The following PITPNM2 variants were observed in gnomAD, a reference collection of about 807,000 sequenced individuals.
PITPNM2 encodes phosphatidylinositol transfer protein membrane associated 2, also known as membrane-associated phosphatidylinositol transfer protein 2.
In PITPNM2, 35 loss-of-function variants were observed where a neutral mutation model predicts 132.2. The observed-to-expected ratio is 0.26, with a 90% CI of 0.20 to 0.35. The LOEUF (loss-of-function observed/expected upper bound fraction) is 0.35. PITPNM2 is among the 10% of genes least tolerant of loss of function. The pLI is 1.00. For synonymous variants in PITPNM2, 738 were observed against 799.2 expected, an observed-to-expected ratio of 0.92 and a Z score of 1.29; for missense variants, 1,332 against 1,912.0, an observed-to-expected ratio of 0.70 and a Z score of 5.66.
At chr12:123,103,120 G>A (rs2042606149) in intron 2 of PITPNM2, among the ~76,000 whole-genome samples, 1 of 152,160 alleles carries the variant, frequency 6.6e-6, no homozygotes, top group Admixed American at 6.5e-5. Context: ...AAACCACCTT[G>A]GTAGACACAA....
At position 122,994,862 on chromosome 12, in the gene PITPNM2, G is replaced by A. The variant is rs1234459257; in HGVS notation, c.2172C>T (p.Leu724=). The change falls in exon 15 of 26, where the codon CTC becomes CTT. Residue 724 remains leucine (L), a synonymous_variant. Transcript: ENST00000320201. This position sits in a 1 kb window ranked among gnomAD's most constrained non-coding sequence, Gnocchi z 5.4. ...GGACCAGCCCCAGCGGGCACCCGAA[G>A]AGGAAGAGGTCGGTGATCTCAAAGT... ...RFDFEITDLF[L]FGCPLGLVLA... 1.2e-6 allele frequency: 2 copies of A among 1,612,328 alleles called. No individual in the cohort carries two copies. The highest frequency in any genetic ancestry group is 1.7e-6 in the Non-Finnish European group (2 of 1,179,974).
intron 1 of PITPNM2, among the ~76,000 whole-genome samples, chr12:123,119,416 G>A (rs2042991583): frequency 6.7e-6 from 1 of 148,224 alleles, no homozygotes; most frequent in African/African-American, 2.5e-5. Flanking sequence ...GGAGTGCAGT[G>A]GAACCATCTT....
intron 3 of PITPNM2, among the ~76,000 whole-genome samples, chr12:123,032,933 G>C (rs1312702236): frequency 6.6e-6 from 1 of 152,194 alleles, no homozygotes; most frequent in East Asian, 1.9e-4. Flanking sequence ...TCCCACATAG[G>C]GGAGCCTGGA....
rs549417336 is a variant in PITPNM2, at chr12:123,084,969, C to T, written c.-96+25416G>A. Among the ~76,000 whole-genome samples the T allele has an allele frequency of 4.6e-5, 7 of 152,322 alleles. No individual in the cohort carries two copies. The South Asian group carries it at 1.2e-3, about 27-fold the overall frequency. ...CCATCAAGGGTCAGCTCTGAGCTGA[C>T]TCTGGGAAGCCAGCTTAATCGGGCC... On this transcript the variant is annotated intron_variant, in intron 2 of 25. Coordinates refer to ENST00000320201, the MANE Select transcript of PITPNM2 (RefSeq NM_020845.3).
At position 122,987,845 on chromosome 12, in the gene PITPNM2, C is replaced by T. The variant is rs751829355; in HGVS notation, c.3054G>A (p.Gln1018=). The T allele has an allele frequency of 2.2e-5, 35 of 1,613,836 alleles. No individual in the cohort carries two copies. The highest frequency in any genetic ancestry group is 2.9e-5 in the Non-Finnish European group (34 of 1,179,972). The part of the protein sequence containing the change: ...NDALANEDGP[Q]VLTGRFMYGP... ...CATACATGAACCTGCCCGTCAGAAC[C>T]TGGGGGCCGTCCTCATTGGCAAGGG... Residue 1018 remains glutamine, a synonymous_variant, in exon 21 of 26, where the codon CAG becomes CAA. Coordinates refer to ENST00000320201, the MANE Select transcript of PITPNM2 (RefSeq NM_020845.3).
At chr12:123,034,436 A>T in intron 3 of PITPNM2, 77 bp downstream of exon 3, 1 of 1,385,202 alleles carries the variant, frequency 7.2e-7, no homozygotes, top group Non-Finnish European at 1.0e-6. Flanking sequence ...CCACAACTCC[A>T]CCTAACCCAC....
chr12:122,990,960 A>G (rs888856109), intron 16 of PITPNM2, among the ~76,000 whole-genome samples: 1 of 152,144 alleles, frequency 6.6e-6, no homozygotes, highest in African/African-American at 2.4e-5. Flanking sequence ...AGCTGGGCTC[A>G]ACCTCAGTCA....
chr12:123,094,485 T>C (rs1022524058), intron 2 of PITPNM2, among the ~76,000 whole-genome samples: 1 of 152,196 alleles, frequency 6.6e-6, no homozygotes, highest in African/African-American at 2.4e-5. Context: ...TCACCCACAA[T>C]GCCATGGAAG....
chr12:123,136,346 C>A (rs117833576), intron 1 of PITPNM2, among the ~76,000 whole-genome samples: 1,634 of 151,764 alleles, frequency 0.011, 13 homozygotes, highest in Admixed American at 0.017. Context: ...GAAAAAATAA[C>A]AAAAAATAGA....
At chr12:123,147,586 A>C (rs2043643770) in intron 1 of PITPNM2, among the ~76,000 whole-genome samples, 1 of 152,238 alleles carries the variant, frequency 6.6e-6, no homozygotes, top group Admixed American at 6.5e-5. Context: ...AAAAAGAGAC[A>C]GTTCAGGAAA....
At chr12:123,065,025 G>A (rs867774641) in intron 2 of PITPNM2, among the ~76,000 whole-genome samples, 5 of 152,320 alleles carry the variant, frequency 3.3e-5, no homozygotes, top group Middle Eastern at 3.4e-3. Context: ...CTTGCTCAGA[G>A]TCTCCCATTG....
intron 1 of PITPNM2, among the ~76,000 whole-genome samples, chr12:123,143,424 A>G (rs1797697550): frequency 5.3e-5 from 8 of 152,176 alleles, no homozygotes; most frequent in Admixed American, 5.2e-4. Context: ...ACCTCTCAAA[A>G]GGGGAAATAA....
At chr12:123,092,390 A>T (rs1313566616) in intron 2 of PITPNM2, 18 of 152,242 alleles carry the variant, frequency 1.2e-4, no homozygotes, top group Admixed American at 1.2e-3. Context: ...TTTTCAAAAC[A>T]AACAAAAAGG....
rs146138226 is a variant in PITPNM2, at chr12:122,997,185, C to T, written c.1472+140G>A. 2.8e-4 allele frequency: 364 copies of T among 1,308,188 alleles called. No individual in the cohort carries two copies. In the East Asian group the frequency reaches 8.4e-3, roughly 30 times the overall value. The allele number at this position is 1,308,188 out of a possible 1,614,324, so 81.0% of individuals were successfully genotyped here. ...CTTAGCCTGCGTGTATACGTTTGGGCACCTCCAGGTAGAAGGGGCTGGCCG... is the reference window on the plus strand; with the variant it reads ...CTTAGCCTGCGTGTATACGTTTGGGTACCTCCAGGTAGAAGGGGCTGGCCG... On this transcript the variant is annotated intron_variant, in intron 11 of 25. Coordinates refer to ENST00000320201, the MANE Select transcript of PITPNM2 (RefSeq NM_020845.3).
chr12:122,987,578 C>T lies in PITPNM2; in HGVS notation c.3196G>A (p.Val1066Ile), dbSNP rs369642473. The change falls in exon 22 of 26, where the codon GTC becomes ATC. Residue 1066 changes from valine to isoleucine, a missense_variant. Transcript: ENST00000320201. ...TGCGACTCAGGGATGGTGTAGGAGA[C>T]ACGCCCACTGTTGTTGGTCACCAGC... ...DTLVTNNSGR[V>I]SYTIPESHRL... The T allele has an allele frequency of 1.2e-6, 2 of 1,613,864 alleles. No homozygotes were observed. Among genetic ancestry groups the T allele is most frequent in the African/African-American group, 2.7e-5 (2 of 74,940 alleles).
intron 3 of PITPNM2, among the ~76,000 whole-genome samples, chr12:123,032,194 A>G (rs140889136): frequency 1.6e-3 from 246 of 152,330 alleles, no homozygotes; most frequent in Non-Finnish European, 2.7e-3. Context: ...AAAACCCTGA[A>G]GTGGCTGGGC....
chr12:123,092,654 T>G (rs900705510), intron 2 of PITPNM2: 3 of 152,258 alleles, frequency 2.0e-5, no homozygotes, highest in African/African-American at 7.2e-5. Flanking sequence ...CCTGCGGACC[T>G]GCGGCCTCCT....
Position 122,996,826 on chromosome 12 carries a change from G to T in PITPNM2, c.1557C>A (p.Thr519=). Residue 519 remains threonine (T), a synonymous_variant, in exon 12 of 26, where the codon ACC becomes ACA. Coordinates refer to ENST00000320201, the MANE Select transcript of PITPNM2 (RefSeq NM_020845.3). ...IPLAALPLLA[T]SSPQYQEAVA... is the part of the protein sequence containing the mutation. ...CTGCCTCCTGGTACTGGGGGGAGGA[G>T]GTGGCCAGCAGGGGGAGGGCAGCCA... 6.2e-7 allele frequency: 1 copy of T among 1,601,196 alleles called. No homozygotes were observed. The highest frequency in any genetic ancestry group is 8.5e-7 in the Non-Finnish European group (1 of 1,176,736).
chr12:122,997,052 G>T lies in PITPNM2; in HGVS notation c.1473-142C>A, dbSNP rs551274315. 8 of 967,826 alleles carry T rather than the reference G, an allele frequency of 8.3e-6. No homozygotes were observed. In the South Asian group the frequency reaches 8.7e-5, roughly 11 times the overall value. The allele number at this position is 967,826 out of a possible 1,614,324, so 60.0% of individuals were successfully genotyped here. ...CGGCCAGGGCCTGGATAGGCTTGGG[G>T]GACCAGGGTGGGTAAGACCCCATGT... is the stretch of plus-strand genomic sequence containing the variant. On this transcript the variant is annotated intron_variant, in intron 11 of 25. Coordinates refer to ENST00000320201, the MANE Select transcript of PITPNM2 (RefSeq NM_020845.3).
Sources: gnomAD v4.1 joint callset for allele counts (sites outside exome capture counted in the v4.1 genomes callset) on GRCh38, gnomAD v4.1.1 for gene constraint, Gnocchi (gnomAD v3.1) non-coding constraint, MANE v1.5 for transcripts, NCBI Gene and HGNC (gene_info 2026-07-23, HGNC 2026-07-21) for gene names.